CAMTA1: variants seen among roughly 807,000 people sequenced by gnomAD.
CAMTA1 encodes calmodulin-binding transcription activator 1.
In CAMTA1, 27 loss-of-function variants were observed where a neutral mutation model predicts 170.9. The observed-to-expected ratio is 0.16, with a 90% CI of 0.12 to 0.22. CAMTA1 has a LOEUF of 0.22. CAMTA1 is among the 10% of genes least tolerant of loss of function. The pLI is 1.00. For synonymous variants in CAMTA1, 833 were observed against 891.5 expected, an observed-to-expected ratio of 0.93 and a Z score of 1.17; for missense variants, 1,619 against 2,217.2, an observed-to-expected ratio of 0.73 and a Z score of 5.42.
At chr1:6,834,217 GTTGT>G (rs1030303556) in intron 3 of CAMTA1, 3 of 143,794 alleles carry the variant, frequency 2.1e-5, no homozygotes, top group Non-Finnish European at 3.1e-5. Flanking sequence ...CAATTCAGTA[GTTGT>G]TTATTTTTAT....
rs1360426372 is a variant in CAMTA1 at position 7,592,703 on chromosome 1, C to T, written c.511-47697C>T. On this transcript the variant is annotated intron_variant, in intron 6 of 22. Coordinates refer to ENST00000303635, the MANE Select transcript of CAMTA1 (RefSeq NM_015215.4). This position sits in a 1 kb window ranked among gnomAD's most constrained non-coding sequence, Gnocchi z 4.6. The stretch of plus-strand genomic sequence containing the variant: ...GTCGGAAGCTTGTCTGTGCCCTGAA[C>T]ATAGGACACACAGTGTCCTCATGGA... Among the ~76,000 whole-genome samples, 4 of 152,142 alleles carry T rather than the reference C, an allele frequency of 2.6e-5. No homozygotes were observed. The highest frequency in any genetic ancestry group is 9.7e-5 in the African/African-American group (4 of 41,438).
intron 6 of CAMTA1, among the ~76,000 whole-genome samples, chr1:7,525,145 G>A (rs1456436930): frequency 6.6e-6 from 1 of 152,200 alleles, no homozygotes; most frequent in African/African-American, 2.4e-5. Context: ...GCTGGCTGAG[G>A]CTCCAGGAGT....
chr1:7,151,885 C>T (rs1035220480), intron 4 of CAMTA1, among the ~76,000 whole-genome samples: 4 of 152,188 alleles, frequency 2.6e-5, no homozygotes, highest in Non-Finnish European at 1.5e-5. Flanking sequence ...CACAGATTAA[C>T]ATTTTCCATT....
intron 1 of CAMTA1, among the ~76,000 whole-genome samples, chr1:6,806,552 A>T (rs982265633): frequency 1.3e-5 from 2 of 152,190 alleles, no homozygotes; most frequent in African/African-American, 4.8e-5. Flanking sequence ...GTTTTAATTT[A>T]TTGATGTAGT....
rs904540527 is a variant in CAMTA1, at chr1:7,234,441, C to T, written c.303-15050C>T. Among the ~76,000 whole-genome samples, 3 of 152,196 alleles carry T rather than the reference C, an allele frequency of 2.0e-5. No individual in the cohort carries two copies. The highest frequency in any genetic ancestry group is 4.4e-5 in the Non-Finnish European group (3 of 68,030). The stretch of plus-strand genomic sequence containing the variant: ...CTGCAGCTCTGGGGCCTGCCCAGGG[C>T]GGGCCTCTGTGCGTCATTGTTCTTC... On this transcript the variant is annotated intron_variant, in intron 4 of 22. Transcript: ENST00000303635. The surrounding 1 kb of genome is among the most constrained non-coding windows in gnomAD (Gnocchi z 5.0).
intron 3 of CAMTA1, among the ~76,000 whole-genome samples, chr1:6,906,781 G>C (rs2149248537): frequency 6.6e-6 from 1 of 152,322 alleles, no homozygotes; most frequent in Non-Finnish European, 1.5e-5. Context: ...CCTAAAGGGA[G>C]TGAAAGAGGA....
At chr1:7,226,873 C>T (rs1245239424) in intron 4 of CAMTA1, among the ~76,000 whole-genome samples, 1 of 151,970 alleles carries the variant, frequency 6.6e-6, no homozygotes, top group African/African-American at 2.4e-5. Flanking sequence ...CGCTCTGTCA[C>T]CCGGGCTGGA....
intron 22 of CAMTA1, among the ~76,000 whole-genome samples, chr1:7,765,251 G>A (rs707455): frequency 0.51 from 77,868 of 151,946 alleles, 20,867 homozygotes; most frequent in East Asian, 0.73. Flanking sequence ...TGATCATTCT[G>A]CTATTAAGGC....
rs941935683 is a variant in CAMTA1, at chr1:7,547,243, C to T, written c.510+79342C>T. ...CCATTTCTCCAAAGAAACCTGGTTT[C>T]TTTTAGTGGAAAGTGGTGTTTAGAA... On this transcript the variant is annotated intron_variant, in intron 6 of 22. Transcript: ENST00000303635. The surrounding 1 kb of genome is among the most constrained non-coding windows in gnomAD (Gnocchi z 5.7). 5.3e-5 allele frequency among the ~76,000 whole-genome samples: 8 copies of T among 152,046 alleles called. No individual in the cohort carries two copies. Among genetic ancestry groups the T allele is most frequent in the African/African-American group, 1.9e-4 (8 of 41,412 alleles).
At chr1:7,019,667 T>C (rs144150892) in intron 3 of CAMTA1, among the ~76,000 whole-genome samples, 3 of 152,324 alleles carry the variant, frequency 2.0e-5, no homozygotes, top group African/African-American at 7.2e-5. Flanking sequence ...GTCTGTTTGT[T>C]CTGCTGCTGA....
At chr1:7,125,679 G>A (rs985505701) in intron 4 of CAMTA1, among the ~76,000 whole-genome samples, 9 of 152,156 alleles carry the variant, frequency 5.9e-5, no homozygotes, top group Admixed American at 2.0e-4. Context: ...AGCTGGCCCC[G>A]GGGCGACTGG....
At chr1:7,382,749 A>G (rs1027395696) in intron 5 of CAMTA1, 3 of 152,176 alleles carry the variant, frequency 2.0e-5, no homozygotes, top group Admixed American at 6.5e-5. Flanking sequence ...TAAAAGGACA[A>G]CAATATTTGA....
At position 7,675,798 on chromosome 1, in the gene CAMTA1, G is replaced by A. The variant is rs2096113481; in HGVS notation, c.2780-1801G>A. 3.3e-5 allele frequency among the ~76,000 whole-genome samples: 5 copies of A among 152,190 alleles called. No individual in the cohort carries two copies. In the South Asian group the frequency reaches 8.3e-4, roughly 25 times the overall value. On this transcript the variant is annotated intron_variant, in intron 10 of 22. Transcript: ENST00000303635. ...TGGACTGCATGAGCGGGGAAGGGAA[G>A]AGCGAGTCCAGGAAGCTTCCTGGGT...
At chr1:7,324,977 A>C (rs1173711302) in intron 5 of CAMTA1, among the ~76,000 whole-genome samples, 1 of 151,834 alleles carries the variant, frequency 6.6e-6, no homozygotes, top group Non-Finnish European at 1.5e-5. Context: ...GGCCTTCCTC[A>C]CTCTACTAAT....
chr1:6,923,984 G>A (rs1279325251), intron 3 of CAMTA1, among the ~76,000 whole-genome samples: 2 of 152,178 alleles, frequency 1.3e-5, no homozygotes, highest in African/African-American at 2.4e-5. Context: ...AGACCATTAG[G>A]CTGGTCTGTG....
At chr1:7,548,631 G>A (rs2094742153) in intron 6 of CAMTA1, among the ~76,000 whole-genome samples, 1 of 149,098 alleles carries the variant, frequency 6.7e-6, no homozygotes, top group African/African-American at 2.5e-5. Flanking sequence ...ATCCCCTTAG[G>A]GGTGGAGGTG....
In CAMTA1 at chr1:7,732,570, G is replaced by T. The variant is rs374854646; in HGVS notation, c.3037G>T (p.Gly1013Trp). Residue 1013 changes from glycine to tryptophan, a missense_variant, in exon 12 of 23, where the codon GGG becomes TGG. By Grantham distance (184) the Gly-to-Trp change is radical. Coordinates refer to ENST00000303635, the MANE Select transcript of CAMTA1 (RefSeq NM_015215.4). This position sits in a 1 kb window ranked among gnomAD's most constrained non-coding sequence, Gnocchi z 4.1. ...SGGGSSGGGSGSGNGGSQAQC... is the reference protein window; with the variant it reads ...SGGGSSGGGSWSGNGGSQAQC... ...AGGCGGCAGCAGTGGAGGCGGCAGC[G>T]GGAGCGGGAATGGAGGGAGCCAGGC... 5.6e-6 allele frequency: 9 copies of T among 1,611,402 alleles called. No homozygotes were observed. The highest frequency in any genetic ancestry group is 2.7e-5 in the African/African-American group (2 of 74,966).
chr1:7,687,670 C>G (rs1047737171), intron 11 of CAMTA1, among the ~76,000 whole-genome samples: 4 of 152,204 alleles, frequency 2.6e-5, no homozygotes, highest in Non-Finnish European at 1.5e-5. Flanking sequence ...TTGGTCTTGC[C>G]AACCTTTTGA....
intron 7 of CAMTA1, among the ~76,000 whole-genome samples, chr1:7,658,276 G>C (rs1280627054): frequency 1.3e-5 from 2 of 152,220 alleles, no homozygotes; most frequent in East Asian, 3.8e-4. Context: ...AGGGCTTTCT[G>C]CTCTTGGACT....
Sources: gnomAD v4.1 joint callset for allele counts (sites outside exome capture counted in the v4.1 genomes callset) on GRCh38, gnomAD v4.1.1 for gene constraint, Gnocchi (gnomAD v3.1) non-coding constraint, MANE v1.5 for transcripts, NCBI Gene and HGNC (gene_info 2026-07-23, HGNC 2026-07-21) for gene names.